EIF4G3: variants seen among roughly 807,000 people sequenced by gnomAD.
The protein encoded by EIF4G3 is eIF-4-gamma 3.
In EIF4G3, 34 loss-of-function variants were observed where a neutral mutation model predicts 186.4. The observed-to-expected ratio is 0.18, with a 90% CI of 0.14 to 0.24. The LOEUF (loss-of-function observed/expected upper bound fraction) is 0.24. Ranked by LOEUF, EIF4G3 falls within the 10% of genes least tolerant of loss-of-function variation. EIF4G3 has a pLI of 1.00. For missense variants in EIF4G3, 1,536 were observed against 1,948.5 expected (o/e 0.79, Z 3.99); for synonymous variants, 673 against 679.5 (o/e 0.99, Z 0.15).
chr1:20,987,844 G>A (rs1170679859), intron 7 of EIF4G3, among the ~76,000 whole-genome samples: 1 of 152,176 alleles, frequency 6.6e-6, no homozygotes, highest in Non-Finnish European at 1.5e-5. Flanking sequence ...AACTATAAAT[G>A]ACTAAACTTA....
chr1:21,014,703 T>C (rs2088343413), intron 4 of EIF4G3, among the ~76,000 whole-genome samples: 1 of 138,324 alleles, frequency 7.2e-6, no homozygotes, highest in Non-Finnish European at 1.6e-5. Context: ...GGCACAATCT[T>C]GGCTCACTGC....
At chr1:20,984,877 C>T (rs1043020078) in intron 7 of EIF4G3, among the ~76,000 whole-genome samples, 2 of 152,106 alleles carry the variant, frequency 1.3e-5, no homozygotes, top group African/African-American at 2.4e-5. Context: ...CGTGAGCCAC[C>T]GTGCCCAGTC....
chr1:21,098,107 T>C (rs879897821), intron 2 of EIF4G3, among the ~76,000 whole-genome samples: 12 of 151,884 alleles, frequency 7.9e-5, no homozygotes, highest in Admixed American at 2.6e-4. Flanking sequence ...AAGAAGAAAA[T>C]TGATAAACTG....
chr1:21,141,388 T>TGC, intron 2 of EIF4G3, among the ~76,000 whole-genome samples: 1 of 149,804 alleles, frequency 6.7e-6, no homozygotes, highest in East Asian at 2.0e-4. Context: ...TGTGTGTGTG[T>TGC]GTGTGTGTGT....
At chr1:20,995,939 T>G (rs919833539) in intron 7 of EIF4G3, among the ~76,000 whole-genome samples, 4 of 152,110 alleles carry the variant, frequency 2.6e-5, no homozygotes, top group African/African-American at 9.7e-5. Context: ...ATTTCTCAAA[T>G]AAATAGTTTC....
intron 12 of EIF4G3, among the ~76,000 whole-genome samples, chr1:20,962,947 T>G (rs1303135386): frequency 1.3e-5 from 2 of 150,486 alleles, no homozygotes; most frequent in Admixed American, 1.3e-4. Context: ...AGACAAGGTC[T>G]TGCTATGCTG....
At chr1:21,054,238 A>G (rs1464864542) in intron 3 of EIF4G3, among the ~76,000 whole-genome samples, 1 of 151,544 alleles carries the variant, frequency 6.6e-6, no homozygotes, top group Admixed American at 6.6e-5. Flanking sequence ...GGGTGGTGCA[A>G]GATGTGCTTT....
At chr1:21,147,441 A>G (rs1352453233) in intron 2 of EIF4G3, among the ~76,000 whole-genome samples, 2 of 151,494 alleles carry the variant, frequency 1.3e-5, no homozygotes, top group African/African-American at 2.4e-5. Flanking sequence ...CCCGGGTTCA[A>G]GCGATTCTCC....
chr1:20,816,338 TCGGCCAGCCGCCCCGTCCGGGAGGG>T (rs2060876941), intron 34 of EIF4G3, among the ~76,000 whole-genome samples: 5 of 4,578 alleles, frequency 1.1e-3, no homozygotes, highest in Admixed American at 0.01. Flanking sequence ...GGGGGGGGGG[TCGGCCAGCCGCCCCGTCCGGGAGGG>T]AGGTGGGGGG....
chr1:20,840,163 G>A (rs1019193555), intron 30 of EIF4G3, among the ~76,000 whole-genome samples: 8 of 152,104 alleles, frequency 5.3e-5, no homozygotes, highest in Non-Finnish European at 1.2e-4. Flanking sequence ...TTAAACATTG[G>A]TTATACACCC....
At chr1:21,002,858 G>T in intron 4 of EIF4G3, 50 bp from the exon 5 acceptor site, 1 of 1,020,168 alleles carries the variant, frequency 9.8e-7, no homozygotes, top group Non-Finnish European at 1.5e-6. Context: ...AATATGGCAT[G>T]GCAATTCTAG....
rs922875471 is a variant in EIF4G3 at position 20,860,309 on chromosome 1, T to C, written c.3244+76A>G. Reference sequence around the variant, plus strand: ...GGCTGTTCTTTCTGATCTCATTTTATACCTAAATACATAATTCTTAATATG... The same window carrying C: ...GGCTGTTCTTTCTGATCTCATTTTACACCTAAATACATAATTCTTAATATG... On this transcript the variant is annotated intron_variant, in intron 24 of 36. Coordinates refer to ENST00000602326, the MANE Select transcript of EIF4G3 (RefSeq NM_001391906.1). 8.2e-6 allele frequency: 13 copies of C among 1,581,340 alleles called. No individual in the cohort carries two copies. In the African/African-American group the frequency reaches 1.6e-4, roughly 20 times the overall value.
intron 3 of EIF4G3, among the ~76,000 whole-genome samples, chr1:21,058,056 G>C (rs1294825496): frequency 6.6e-6 from 1 of 152,156 alleles, no homozygotes; most frequent in Non-Finnish European, 1.5e-5. Flanking sequence ...TATTGGATTT[G>C]ATTATATTCT....
intron 4 of EIF4G3, among the ~76,000 whole-genome samples, chr1:21,047,382 TG>T (rs1432979855): frequency 2.0e-5 from 3 of 152,222 alleles, no homozygotes; most frequent in East Asian, 3.8e-4. Context: ...ATTTTACTTT[TG>T]GGGGTAACTC....
intron 3 of EIF4G3, chr1:21,064,431 T>C (rs2095120885): frequency 6.6e-6 from 1 of 152,230 alleles, no homozygotes; most frequent in African/African-American, 2.4e-5. Flanking sequence ...CAAATCTTAC[T>C]ATTATATGGC....
intron 4 of EIF4G3, among the ~76,000 whole-genome samples, chr1:21,029,649 A>G (rs1369135779): frequency 2.0e-5 from 3 of 152,126 alleles, no homozygotes; most frequent in African/African-American, 7.2e-5. Flanking sequence ...AAAGAGAACT[A>G]GTGGTTTTAT....
chr1:20,874,818 A>G (rs1267169264), intron 20 of EIF4G3, among the ~76,000 whole-genome samples: 2 of 152,206 alleles, frequency 1.3e-5, no homozygotes, highest in Admixed American at 1.3e-4. Context: ...ATATTCTTAT[A>G]AAAGGTTAGC....
chr1:20,987,488 T>G (rs1284721123), intron 7 of EIF4G3, among the ~76,000 whole-genome samples: 12 of 152,244 alleles, frequency 7.9e-5, no homozygotes, highest in Admixed American at 7.9e-4. Flanking sequence ...CAACAGCATG[T>G]GCTCATTTCG....
Position 20,853,688 on chromosome 1 carries a change from C to A in EIF4G3, c.3434-11G>T, listed in dbSNP as rs2305463. The A allele has an allele frequency of 1.3e-6, 2 of 1,588,420 alleles. No homozygotes were observed. The highest frequency in any genetic ancestry group is 1.7e-5 in the Admixed American group (1 of 59,706). ...TTGACCGTAAGGCATCTACACATGT[C>A]GAGGATTTAGAAAAAAATACAAATC... On this transcript the variant is annotated splice_polypyrimidine_tract_variant and intron_variant, in intron 26 of 36. Coordinates refer to ENST00000602326, the MANE Select transcript of EIF4G3 (RefSeq NM_001391906.1).
Sources: gnomAD v4.1 joint callset for allele counts (sites outside exome capture counted in the v4.1 genomes callset) on GRCh38, gnomAD v4.1.1 for gene constraint, MANE v1.5 for transcripts, NCBI Gene and HGNC (gene_info 2026-07-23, HGNC 2026-07-21) for gene names.